The following STAP1 variants were observed in gnomAD, a reference collection of about 807,000 sequenced individuals.
STAP1 encodes signal transducing adaptor family member 1, also known as signal-transducing adaptor protein 1.
In STAP1, 30 loss-of-function variants were observed where a neutral mutation model predicts 37.8. That is an observed-to-expected ratio of 0.79 (90% CI 0.59 to 1.08). The LOEUF is 1.08. STAP1 is among the 50% of genes least tolerant of loss of function. The pLI, the probability that STAP1 is intolerant of heterozygous loss-of-function variation, is 0.00. For synonymous variants in STAP1, 130 were observed against 116.0 expected (o/e 1.12, Z -0.78); for missense variants, 357 against 349.4 (o/e 1.02, Z -0.17).
intron 8 of STAP1, among the ~76,000 whole-genome samples, chr4:67,597,676 G>A (rs970272851): frequency 3.3e-5 from 5 of 152,318 alleles, no homozygotes; most frequent in Admixed American, 1.3e-4. Context: ...TGTGAGACAT[G>A]GAGTCAAAGA....
chr4:67,575,995 G>C (rs542589990), intron 3 of STAP1, among the ~76,000 whole-genome samples: 1 of 152,188 alleles, frequency 6.6e-6, no homozygotes, highest in Non-Finnish European at 1.5e-5. Flanking sequence ...AAGCTCCCCG[G>C]ATGATTTGCA....
At chr4:67,560,643 G>GGTGTGTGTGT (rs1553900082) in intron 1 of STAP1, among the ~76,000 whole-genome samples, 275 of 149,602 alleles carry the variant, frequency 1.8e-3, no homozygotes, top group Non-Finnish European at 2.8e-3. Flanking sequence ...TGTGTGTGTG[G>GGTGTGTGTGT]GTGTGTGTCT....
chr4:67,598,377 A>G (rs1004288224), intron 8 of STAP1, among the ~76,000 whole-genome samples: 2 of 152,084 alleles, frequency 1.3e-5, no homozygotes, highest in African/African-American at 4.8e-5. Flanking sequence ...TAGTTGCTCT[A>G]CTAATTTACA....
Position 67,566,120 on chromosome 4 carries a change from A to G in STAP1, c.121-4964A>G, listed in dbSNP as rs531699126. On this transcript the variant is annotated intron_variant, in intron 1 of 8. Coordinates refer to ENST00000265404, the MANE Select transcript of STAP1 (RefSeq NM_012108.4). ...CCCGCCACTACTCCGGCTAATTTTC[A>G]TATTTTTAGTAGATACAGGGTTTCA... Among the ~76,000 whole-genome samples the G allele has an allele frequency of 3.4e-3, 517 of 151,444 alleles. 3 individuals carry two copies. Among genetic ancestry groups the G allele is most frequent in the African/African-American group, 0.012 (498 of 41,288 alleles).
chr4:67,569,161 T>C (rs1727543052), intron 1 of STAP1, among the ~76,000 whole-genome samples: 1 of 152,230 alleles, frequency 6.6e-6, no homozygotes, highest in South Asian at 2.1e-4. Context: ...TTAAATACTG[T>C]AGGCAATTGT....
At chr4:67,604,008 A>G (rs1422533953) in intron 8 of STAP1, among the ~76,000 whole-genome samples, 1 of 152,136 alleles carries the variant, frequency 6.6e-6, no homozygotes. Flanking sequence ...AGATCACTTT[A>G]GCCTGTGGTG....
chr4:67,582,505 GC>G (rs1727886507), intron 5 of STAP1, among the ~76,000 whole-genome samples: 1 of 151,768 alleles, frequency 6.6e-6, no homozygotes. Flanking sequence ...ACAGGGTTTT[GC>G]CATGTTGCCC....
chr4:67,580,418 A>G (rs1727825723), intron 4 of STAP1, among the ~76,000 whole-genome samples: 1 of 152,194 alleles, frequency 6.6e-6, no homozygotes, highest in Admixed American at 6.5e-5. Context: ...ATATTAAAAC[A>G]TATATAATAA....
At chr4:67,578,534 G>A (rs1727777353) in intron 4 of STAP1, among the ~76,000 whole-genome samples, 1 of 151,364 alleles carries the variant, frequency 6.6e-6, no homozygotes, top group Non-Finnish European at 1.5e-5. Context: ...GAGAGGGAGA[G>A]GAAGGAATCC....
At chr4:67,600,484 C>T (rs951761972) in intron 8 of STAP1, among the ~76,000 whole-genome samples, 3 of 152,024 alleles carry the variant, frequency 2.0e-5, no homozygotes, top group African/African-American at 7.2e-5. Context: ...TCTGTAGATG[C>T]TGAATGAAAT....
chr4:67,591,576 G>T (rs1560465456), intron 7 of STAP1, among the ~76,000 whole-genome samples: 1 of 152,204 alleles, frequency 6.6e-6, no homozygotes, highest in Non-Finnish European at 1.5e-5. Context: ...CTGAAAAAGA[G>T]AATATAGCTC....
At chr4:67,596,522 G>A (rs1728226648) in intron 8 of STAP1, among the ~76,000 whole-genome samples, 1 of 152,184 alleles carries the variant, frequency 6.6e-6, no homozygotes, top group African/African-American at 2.4e-5. Context: ...ACAAAAAGAT[G>A]TGGGAAAGTT....
intron 4 of STAP1, among the ~76,000 whole-genome samples, chr4:67,580,508 T>A (rs538587016): frequency 6.6e-6 from 1 of 152,208 alleles, no homozygotes; most frequent in Non-Finnish European, 1.5e-5. Flanking sequence ...CTTTCTTGTA[T>A]ACCTCCTGGA....
intron 3 of STAP1, among the ~76,000 whole-genome samples, chr4:67,575,707 A>G: frequency 6.6e-6 from 1 of 152,198 alleles, no homozygotes; most frequent in East Asian, 1.9e-4. Context: ...CCACGAAACC[A>G]GATACTCCTG....
intron 1 of STAP1, among the ~76,000 whole-genome samples, chr4:67,562,780 C>CA (rs1021900501): frequency 6.6e-6 from 1 of 150,884 alleles, no homozygotes; most frequent in Non-Finnish European, 1.5e-5. Context: ...TCAAAAACAA[C>CA]AAAAAAAGAA....
intron 8 of STAP1, among the ~76,000 whole-genome samples, chr4:67,602,039 C>T (rs1017915222): frequency 6.7e-5 from 10 of 150,262 alleles, no homozygotes; most frequent in African/African-American, 2.2e-4. Context: ...CCTTTTTATT[C>T]TTTCTTCTTT....
At chr4:67,597,195 T>G (rs1320180693) in intron 8 of STAP1, among the ~76,000 whole-genome samples, 1 of 152,216 alleles carries the variant, frequency 6.6e-6, no homozygotes, top group Non-Finnish European at 1.5e-5. Flanking sequence ...TAAAAGGGGT[T>G]GAGGTACAGC....
Position 67,563,690 on chromosome 4 carries a change from G to A in STAP1, c.120+4761G>A, listed in dbSNP as rs77292408. 7.3e-3 allele frequency among the ~76,000 whole-genome samples: 1,110 copies of A among 152,244 alleles called. 16 individuals are homozygous for A. Among genetic ancestry groups the A allele is most frequent in the African/African-American group, 0.025 (1,059 of 41,548 alleles). On this transcript the variant is annotated intron_variant, in intron 1 of 8. Coordinates refer to ENST00000265404, the MANE Select transcript of STAP1 (RefSeq NM_012108.4). ...TGCACCCCAGCCTGAGCAACAGAGC[G>A]AGACCCTGTCTCTCTAAAACAACAA...
At chr4:67,568,130 A>T (rs1166688951) in intron 1 of STAP1, among the ~76,000 whole-genome samples, 2 of 152,220 alleles carry the variant, frequency 1.3e-5, no homozygotes, top group Middle Eastern at 3.2e-3. Context: ...AAATTGAGTT[A>T]TAGAGTCGTC....
Sources: gnomAD v4.1 joint callset for allele counts (sites outside exome capture counted in the v4.1 genomes callset) on GRCh38, gnomAD v4.1.1 for gene constraint, MANE v1.5 for transcripts, NCBI Gene and HGNC (gene_info 2026-07-23, HGNC 2026-07-21) for gene names.